Variants in AKAP6 observed in about 807,000 individuals in gnomAD.
The protein encoded by AKAP6 is A-kinase anchor protein 6.
A neutral mutation model predicts 188.5 loss-of-function variants in AKAP6; 58 were observed. The ratio of observed to expected loss-of-function variants is 0.31; its 90% CI spans 0.25 to 0.38. The LOEUF (loss-of-function observed/expected upper bound fraction) is 0.38. Ranked by LOEUF, AKAP6 falls within the 10% of genes least tolerant of loss-of-function variation. AKAP6 has a pLI of 1.00. For missense variants in AKAP6, 2,710 were observed against 2,740.0 expected (o/e 0.99, Z 0.24); for synonymous variants, 989 against 998.6 (o/e 0.99, Z 0.18).
At chr14:32,515,056 C>T (rs1299298310) in intron 2 of AKAP6, among the ~76,000 whole-genome samples, 3 of 152,126 alleles carry the variant, frequency 2.0e-5, no homozygotes, top group Non-Finnish European at 4.4e-5. Context: ...AAAAGACATA[C>T]CTGAGACTGG....
At chr14:32,806,610 G>C (rs2034095553) in intron 12 of AKAP6, among the ~76,000 whole-genome samples, 1 of 152,158 alleles carries the variant, frequency 6.6e-6, no homozygotes, top group Admixed American at 6.5e-5. Flanking sequence ...CTGGGAGGCA[G>C]AGGTTGCAGT....
At chr14:32,409,122 C>G (rs914620848) in intron 1 of AKAP6, among the ~76,000 whole-genome samples, 2 of 152,148 alleles carry the variant, frequency 1.3e-5, no homozygotes. Context: ...ATCACTTGAA[C>G]CTGGCAGGTG....
intron 9 of AKAP6, among the ~76,000 whole-genome samples, chr14:32,729,735 T>G (rs1330875875): frequency 2.0e-5 from 3 of 152,018 alleles, no homozygotes; most frequent in Non-Finnish European, 4.4e-5. Context: ...CCACAGCAGG[T>G]GCTGTGGGGA....
At chr14:32,802,754 A>C (rs1298156400) in intron 12 of AKAP6, among the ~76,000 whole-genome samples, 1 of 152,236 alleles carries the variant, frequency 6.6e-6, no homozygotes, top group Admixed American at 6.5e-5. Context: ...ATGGGTTTTA[A>C]GTAAGCCTTT....
rs74430021 is a variant in AKAP6 at position 32,429,998 on chromosome 14, C to T, written c.-34-3462C>T. On this transcript the variant is annotated intron_variant, in intron 1 of 13. Transcript: ENST00000280979. ...GCAAACTTCTAGAGGGGAGAATCTC[C>T]CATGTTTGTTCCTCTGGGAAGAATT... Among the ~76,000 whole-genome samples the T allele has an allele frequency of 1.1e-3, 165 of 152,262 alleles. 2 individuals are homozygous for T. In the East Asian group the frequency reaches 0.026, roughly 24 times the overall value.
At chr14:32,335,931 ATT>A (rs74332191) in intron 1 of AKAP6, among the ~76,000 whole-genome samples, 1 of 112,758 alleles carries the variant, frequency 8.9e-6, no homozygotes. Context: ...GGAAAAGTTC[ATT>A]TTTTTTTTTC....
intron 1 of AKAP6, among the ~76,000 whole-genome samples, chr14:32,415,889 A>G (rs897445261): frequency 2.0e-5 from 3 of 152,180 alleles, no homozygotes; most frequent in Non-Finnish European, 4.4e-5. Context: ...AGGCTGAATA[A>G]TATTCTGTCG....
At chr14:32,449,538 A>C (rs997229792) in intron 2 of AKAP6, among the ~76,000 whole-genome samples, 1 of 141,396 alleles carries the variant, frequency 7.1e-6, no homozygotes, top group Admixed American at 6.9e-5. Flanking sequence ...AAAAAAAAAA[A>C]AAAGAAAAAG....
At position 32,404,691 on chromosome 14, in the gene AKAP6, G is replaced by GATAGATATATATATAT; in HGVS notation, c.-34-28766_-34-28765insGATATATATATATATA. Among the ~76,000 whole-genome samples, 46 of 44,390 alleles carry GATAGATATATATATAT rather than the reference G, an allele frequency of 1.0e-3. 1 individual carries two copies. The highest frequency in any genetic ancestry group is 2.5e-3 in the South Asian group (2 of 790). The allele number at this position is 44,390 out of a possible 152,430, so 29.1% of individuals were successfully genotyped here. Reference sequence around the variant, plus strand: ...AGAGTGGGGTTATGAGGAGTCAGGAGATATATATATATATATATATTAGTC... The same window carrying GATAGATATATATATAT: ...AGAGTGGGGTTATGAGGAGTCAGGAGATAGATATATATATATATATATATATATATATATATTAGTC... On this transcript the variant is annotated intron_variant, in intron 1 of 13. Coordinates refer to ENST00000280979, the MANE Select transcript of AKAP6 (RefSeq NM_004274.5).
rs2139666767 is a variant in AKAP6 at position 32,686,753 on chromosome 14, G to A, written c.2879+8294G>A. Among the ~76,000 whole-genome samples, 4 of 152,252 alleles carry A rather than the reference G, an allele frequency of 2.6e-5. 1 individual carries two copies. In the South Asian group the frequency reaches 8.3e-4, roughly 32 times the overall value. ...GCTGTTGAAGCAGAAGATCATGGAG[G>A]TGATTTCTGACTCTGCTTCCTGGAA... On this transcript the variant is annotated intron_variant, in intron 8 of 13. Transcript: ENST00000280979.
intron 9 of AKAP6, among the ~76,000 whole-genome samples, chr14:32,699,801 C>T (rs959630263): frequency 2.0e-5 from 3 of 152,164 alleles, no homozygotes; most frequent in Admixed American, 1.3e-4. Context: ...CACTCTCTCA[C>T]TTTCTTTCTC....
At position 32,707,581 on chromosome 14, in the gene AKAP6, G is replaced by A. The variant is rs140406988; in HGVS notation, c.3000+11471G>A. ...TTCACACTCCACGTGGAGGATTCGT[G>A]TTATTTATTGATTATTTATTAATGT... On this transcript the variant is annotated intron_variant, in intron 9 of 13. Transcript: ENST00000280979. Among the ~76,000 whole-genome samples the A allele has an allele frequency of 5.5e-3, 830 of 152,114 alleles. 12 individuals are homozygous for A. Among genetic ancestry groups the A allele is most frequent in the African/African-American group, 0.019 (778 of 41,512 alleles).
At chr14:32,524,982 T>C (rs1257523391) in intron 2 of AKAP6, among the ~76,000 whole-genome samples, 1 of 152,132 alleles carries the variant, frequency 6.6e-6, no homozygotes, top group African/African-American at 2.4e-5. Flanking sequence ...CACCACTGTC[T>C]TCTCTATTAA....
At chr14:32,500,773 G>A (rs1026829138) in intron 2 of AKAP6, among the ~76,000 whole-genome samples, 1 of 152,114 alleles carries the variant, frequency 6.6e-6, no homozygotes, top group Non-Finnish European at 1.5e-5. Flanking sequence ...AGTTATGCCA[G>A]ATGTTTCTAG....
chr14:32,836,809 C>G lies in AKAP6; in HGVS notation c.*7004C>G, dbSNP rs541722831. On this transcript the variant is annotated 3_prime_UTR_variant, in exon 14 of 14. Coordinates refer to ENST00000280979, the MANE Select transcript of AKAP6 (RefSeq NM_004274.5). ...GCTCCCAAAGAACAAGAGAATCAAC[C>G]CCATCGTGCATTTATGTGCTGCCCC... The G allele has an allele frequency of 6.6e-6, 1 of 152,154 alleles. No homozygotes were observed. Among genetic ancestry groups the G allele is most frequent in the African/African-American group, 2.4e-5 (1 of 41,420 alleles). The allele number at this position is 152,154 out of a possible 1,614,324, so 9.4% of individuals were successfully genotyped here.
intron 9 of AKAP6, among the ~76,000 whole-genome samples, chr14:32,698,739 G>A (rs1890507650): frequency 6.6e-6 from 1 of 152,040 alleles, no homozygotes; most frequent in African/African-American, 2.4e-5. Context: ...TACTGTAAAC[G>A]TTATTGAACA....
intron 1 of AKAP6, among the ~76,000 whole-genome samples, chr14:32,432,873 C>T (rs988062848): frequency 1.2e-4 from 18 of 152,182 alleles, no homozygotes; most frequent in Admixed American, 2.0e-4. Context: ...GTAGCTCCTC[C>T]GGTATCAAGT....
intron 1 of AKAP6, among the ~76,000 whole-genome samples, chr14:32,334,421 C>T (rs1023973436): frequency 1.3e-5 from 2 of 152,114 alleles, no homozygotes; most frequent in African/African-American, 4.8e-5. Context: ...GTTTTCAGAT[C>T]AACTATCTCG....
chr14:32,585,642 C>T (rs777416139), intron 5 of AKAP6, among the ~76,000 whole-genome samples: 2 of 152,148 alleles, frequency 1.3e-5, no homozygotes, highest in South Asian at 2.1e-4. Context: ...ATGTAGTCAT[C>T]TATAGACCCA....
Sources: gnomAD v4.1 joint callset for allele counts (sites outside exome capture counted in the v4.1 genomes callset) on GRCh38, gnomAD v4.1.1 for gene constraint, MANE v1.5 for transcripts, NCBI Gene and HGNC (gene_info 2026-07-23, HGNC 2026-07-21) for gene names.